Variants in ABLIM1 observed in about 807,000 individuals in gnomAD.
ABLIM1 encodes actin-binding LIM protein 1.
In ABLIM1, 40 loss-of-function variants were observed where a neutral mutation model predicts 107.0. The ratio of observed to expected loss-of-function variants is 0.37; its 90% confidence interval spans 0.29 to 0.49. The LOEUF is 0.49. Among genes scored for constraint, ABLIM1 ranks in the 20% least tolerant of loss-of-function variants. The pLI, the probability that ABLIM1 is intolerant of heterozygous loss-of-function variation, is 0.97. For missense variants in ABLIM1, 857 were observed against 1,008.5 expected, an observed-to-expected ratio of 0.85 and a Z score of 2.04; for synonymous variants, 357 against 357.3, an observed-to-expected ratio of 1.00 and a Z score of 0.01.
chr10:114,724,958 A>G (rs2081926759), intron 1 of ABLIM1, among the ~76,000 whole-genome samples: 1 of 152,216 alleles, frequency 6.6e-6, no homozygotes, highest in African/African-American at 2.4e-5. Flanking sequence ...CGTGCAGTAC[A>G]TTCAATTAAA....
chr10:114,522,033 T>C (rs1340316238), intron 6 of ABLIM1, among the ~76,000 whole-genome samples: 1 of 152,012 alleles, frequency 6.6e-6, no homozygotes, highest in Non-Finnish European at 1.5e-5. Flanking sequence ...GGAGGAAGAA[T>C]GTGCCAGGCT....
chr10:114,683,426 C>T (rs2080830281), intron 1 of ABLIM1, among the ~76,000 whole-genome samples: 1 of 152,330 alleles, frequency 6.6e-6, no homozygotes, highest in South Asian at 2.1e-4. Context: ...TCATCAGTTA[C>T]AGCGTGTGCC....
intron 1 of ABLIM1, among the ~76,000 whole-genome samples, chr10:114,676,767 T>G (rs2141481975): frequency 6.6e-6 from 1 of 151,854 alleles, no homozygotes; most frequent in Admixed American, 6.6e-5. Flanking sequence ...TGAGATGGAG[T>G]CTCTGTCACC....
the ABLIM1 span, among the ~76,000 whole-genome samples, chr10:114,773,955 T>C: frequency 6.6e-6 from 1 of 151,502 alleles, no homozygotes; most frequent in Non-Finnish European, 1.5e-5. Context: ...TTTGTTTACA[T>C]AGAAATAAAT....
At chr10:114,637,162 G>A (rs1430316700) in intron 1 of ABLIM1, among the ~76,000 whole-genome samples, 1 of 152,076 alleles carries the variant, frequency 6.6e-6, no homozygotes, top group African/African-American at 2.4e-5. Context: ...CAGATTCTCT[G>A]GGAAGGAGGC....
intron 4 of ABLIM1, among the ~76,000 whole-genome samples, chr10:114,555,264 A>T (rs2068577764): frequency 6.6e-6 from 1 of 152,096 alleles, no homozygotes. Flanking sequence ...GAGAATAGAG[A>T]TTATCTGCAT....
In ABLIM1 at chr10:114,571,412, G is replaced by A. The variant is rs907905697; in HGVS notation, c.564-6C>T. On this transcript the variant is annotated splice_polypyrimidine_tract_variant and splice_region_variant and intron_variant, in intron 3 of 22. Coordinates refer to ENST00000533213, the MANE Select transcript of ABLIM1 (RefSeq NM_002313.7). ...CTCCGGGTGGAAACGGGCGCCTGGAGGCAGAAAGACATCGCCCTCAAGGTT... is the reference window on the plus strand; with the variant it reads ...CTCCGGGTGGAAACGGGCGCCTGGAAGCAGAAAGACATCGCCCTCAAGGTT... The A allele has an allele frequency of 1.9e-6, 3 of 1,613,616 alleles. No homozygotes were observed. The highest frequency in any genetic ancestry group is 2.5e-6 in the Non-Finnish European group (3 of 1,179,538).
intron 1 of ABLIM1, among the ~76,000 whole-genome samples, chr10:114,767,231 G>A (rs1340803372): frequency 6.6e-6 from 1 of 152,150 alleles, no homozygotes; most frequent in Non-Finnish European, 1.5e-5. Context: ...CCTCTTACAG[G>A]TTGCCTTCAG....
intron 2 of ABLIM1, among the ~76,000 whole-genome samples, chr10:114,576,171 G>A (rs1384881293): frequency 6.6e-6 from 1 of 152,132 alleles, no homozygotes; most frequent in Non-Finnish European, 1.5e-5. Context: ...AAAACAAACA[G>A]GCAAAAGAGG....
At chr10:114,585,511 C>T (rs1231156678) in intron 2 of ABLIM1, among the ~76,000 whole-genome samples, 2 of 152,180 alleles carry the variant, frequency 1.3e-5, no homozygotes, top group African/African-American at 4.8e-5. Flanking sequence ...GCTCCCCTGC[C>T]CGATCTCCCC....
chr10:114,500,763 G>GAAGGGAAGGA (rs1321240673), intron 6 of ABLIM1, among the ~76,000 whole-genome samples: 1 of 139,126 alleles, frequency 7.2e-6, no homozygotes, highest in East Asian at 2.3e-4. Flanking sequence ...GAAGGGAAGG[G>GAAGGGAAGGA]AAGGGAAGGG....
At chr10:114,450,635 T>C (rs2061728372) in intron 14 of ABLIM1, among the ~76,000 whole-genome samples, 1 of 151,750 alleles carries the variant, frequency 6.6e-6, no homozygotes, top group Non-Finnish European at 1.5e-5. Flanking sequence ...GGAGACAGGG[T>C]TTCGCTACAT....
chr10:114,470,180 T>C lies in ABLIM1; in HGVS notation c.1276-1964A>G, dbSNP rs2066182325. Among the ~76,000 whole-genome samples, 4 of 152,270 alleles carry C rather than the reference T, an allele frequency of 2.6e-5. No individual in the cohort carries two copies. The South Asian group carries it at 6.2e-4, about 24-fold the overall frequency. On this transcript the variant is annotated intron_variant, in intron 10 of 22. Transcript: ENST00000533213. ...GCTCACACCTGTAATCCCAGCACCTTGTGAGGCCAAGGCGGGTGGATCACT... is the reference window on the plus strand; with the variant it reads ...GCTCACACCTGTAATCCCAGCACCTCGTGAGGCCAAGGCGGGTGGATCACT...
intron 1 of ABLIM1, among the ~76,000 whole-genome samples, chr10:114,680,574 C>A (rs963903178): frequency 3.3e-5 from 5 of 152,202 alleles, no homozygotes; most frequent in African/African-American, 1.2e-4. Context: ...TTTCTGAGGA[C>A]AAGAGGCACC....
At chr10:114,780,360 GA>G in the ABLIM1 span, among the ~76,000 whole-genome samples, 1 of 152,174 alleles carries the variant, frequency 6.6e-6, no homozygotes, top group Non-Finnish European at 1.5e-5. Context: ...GGTGACTCTT[GA>G]ATCAGGCAAC....
At position 114,707,173 on chromosome 10, in the gene ABLIM1, C is replaced by T. The variant is rs909846504; in HGVS notation, c.-213+60888G>A. ...AATGACCACATGTGATGAGTGACTA[C>T]CATACATACAGTGCAATTAGAGACC... On this transcript the variant is annotated intron_variant, in intron 1 of 15. Transcript: ENST00000651092. This position sits in a 1 kb window ranked among gnomAD's most constrained non-coding sequence, Gnocchi z 4.1. Among the ~76,000 whole-genome samples the T allele has an allele frequency of 1.3e-5, 2 of 152,078 alleles. No individual in the cohort carries two copies. Among genetic ancestry groups the T allele is most frequent in the African/African-American group, 4.8e-5 (2 of 41,406 alleles).
intron 1 of ABLIM1, among the ~76,000 whole-genome samples, chr10:114,614,003 A>G (rs1566100718): frequency 6.6e-6 from 1 of 152,122 alleles, no homozygotes; most frequent in Non-Finnish European, 1.5e-5. Flanking sequence ...TGGAGAAGAA[A>G]AGATTATCTC....
chr10:114,443,741 C>T (rs942239027), intron 17 of ABLIM1, among the ~76,000 whole-genome samples: 1 of 150,208 alleles, frequency 6.7e-6, no homozygotes, highest in Non-Finnish European at 1.5e-5. Context: ...CCTTTTGCTG[C>T]TTCCCTTGGA....
chr10:114,655,336 A>C (rs2079450217), intron 1 of ABLIM1, among the ~76,000 whole-genome samples: 1 of 152,164 alleles, frequency 6.6e-6, no homozygotes, highest in Non-Finnish European at 1.5e-5. Flanking sequence ...CTTGTTCCCA[A>C]GTGAGGGAAT....
Sources: allele counts gnomAD v4.1 joint callset (sites outside exome capture counted in the v4.1 genomes callset), GRCh38; gene constraint gnomAD v4.1.1; non-coding constraint Gnocchi (gnomAD v3.1); transcripts MANE v1.5; gene names NCBI Gene and HGNC (gene_info 2026-07-23, HGNC 2026-07-21).